Variants in ZNF268 observed in about 807,000 individuals in gnomAD.
The protein encoded by ZNF268 is zinc finger protein 268, also known as zinc finger protein 3.
In ZNF268, 20 loss-of-function variants were observed where a neutral mutation model predicts 29.3. The observed-to-expected ratio is 0.68, with a 90% CI of 0.48 to 0.99. The LOEUF is 0.99. ZNF268 is among the 50% of genes least tolerant of loss of function. The probability of loss-of-function intolerance (pLI) is 0.00; values close to 1 mark genes in which losing one functional copy is unlikely to be tolerated. For synonymous variants in ZNF268, 429 were observed against 376.9 expected (o/e 1.14, Z -1.60); for missense variants, 1,240 against 1,121.6 (o/e 1.11, Z -1.51).
rs1048619959 is a variant in ZNF268 at position 133,204,255 on chromosome 12, A to G, written c.2569A>G (p.Met857Val). ...GKLRLLVHQR[M>V]HTREKPYECS... is the part of the protein sequence containing the mutation. ...ATTACGCCTTCTTGTACACCAGAGAATGCACACAAGAGAGAAACCATATGA... is the reference window on the plus strand; with the variant it reads ...ATTACGCCTTCTTGTACACCAGAGAGTGCACACAAGAGAGAAACCATATGA... Residue 857 changes from methionine (M) to valine (V), a missense_variant, in exon 6 of 6, where the codon ATG (methionine) becomes GTG (valine). Transcript: ENST00000536435. The G allele has an allele frequency of 1.9e-5, 29 of 1,547,250 alleles. No homozygotes were observed. The highest frequency in any genetic ancestry group is 3.9e-5 in the Admixed American group (2 of 51,360).
intron 2 of ZNF268, among the ~76,000 whole-genome samples, chr12:133,187,316 ATT>A (rs1390724275): frequency 1.3e-5 from 2 of 150,956 alleles, no homozygotes; most frequent in East Asian, 3.9e-4. Context: ...CTCATTTCAC[ATT>A]TTCCAGATTT....
At position 133,211,218 on chromosome 12, in the gene ZNF268, A is replaced by C. The variant is rs896334521; in HGVS notation, c.*6688A>C. On this transcript the variant is annotated 3_prime_UTR_variant, in exon 6 of 6. Transcript: ENST00000536435. ...TTTGTATGCAAAATATAAAAAAAAA[A>C]CCCTAAAATTGAACAAGAAGACAAC... is the stretch of plus-strand genomic sequence containing the variant. 357 of 354,252 alleles carry C rather than the reference A, an allele frequency of 1.0e-3. 2 individuals carry two copies. The highest frequency in any genetic ancestry group is 4.4e-3 in the African/African-American group (206 of 46,704). The allele number at this position is 354,252 out of a possible 1,614,324, so 21.9% of individuals were successfully genotyped here.
Position 133,193,164 on chromosome 12 carries a change from A to G in ZNF268, c.457+1161A>G, listed in dbSNP as rs372229725. ...TTCTTCATTTCCCTCATATAGTGTAACTTTTAAAAGACTTACGCATTAGCT... is the reference window on the plus strand; with the variant it reads ...TTCTTCATTTCCCTCATATAGTGTAGCTTTTAAAAGACTTACGCATTAGCT... On this transcript the variant is annotated intron_variant, in intron 5 of 5. Transcript: ENST00000536435. Among the ~76,000 whole-genome samples the G allele has an allele frequency of 4.6e-5, 7 of 152,040 alleles. No individual in the cohort carries two copies. In the East Asian group the frequency reaches 9.7e-4, roughly 21 times the overall value.
At chr12:133,187,813 T>C (rs1956361469) in intron 2 of ZNF268, 59 bp from the exon 3 acceptor site, 4 of 1,507,936 alleles carry the variant, frequency 2.7e-6, no homozygotes, top group Admixed American at 2.1e-5. Flanking sequence ...GTGACCCCTA[T>C]TTCCTTTTCC....
chr12:133,197,326 T>C (rs1007836446), intron 5 of ZNF268, among the ~76,000 whole-genome samples: 11 of 150,698 alleles, frequency 7.3e-5, no homozygotes, highest in Non-Finnish European at 1.2e-4. Flanking sequence ...CTGAGAATGA[T>C]GATTTCCAAT....
chr12:133,202,502 C>T lies in ZNF268; in HGVS notation c.816C>T (p.Gly272=), dbSNP rs149216816. 111 of 1,612,094 alleles carry T rather than the reference C, an allele frequency of 6.9e-5. No homozygotes were observed. The East Asian group carries it at 7.1e-4, about 10-fold the overall frequency. ...SQLMCQQMYM[G]EKPFGCSCCE... ...TTATGTGCCAACAAATGTATATGGG[C>T]GAAAAACCCTTTGGATGCAGCTGTT... Residue 272 remains glycine (G), a synonymous_variant, in exon 6 of 6, where the codon GGC becomes GGT. Coordinates refer to ENST00000536435, the MANE Select transcript of ZNF268 (RefSeq NM_003415.3).
rs1956852150 is a variant in ZNF268, at chr12:133,204,599, G to GT, written c.*70dup. The stretch of plus-strand genomic sequence containing the variant: ...ACAATCATATATAAAGAGAAACTCT[G>GT]TAAGTGGAATCATCTTGTCATCTTC... On this transcript the variant is annotated 3_prime_UTR_variant, in exon 6 of 6. Coordinates refer to ENST00000536435, the MANE Select transcript of ZNF268 (RefSeq NM_003415.3). 3 of 1,187,628 alleles carry GT rather than the reference G, an allele frequency of 2.5e-6. No homozygotes were observed. The East Asian group carries it at 7.7e-5, about 31-fold the overall frequency. 73.6% of individuals were successfully genotyped at this position (1,187,628 alleles called of 1,614,324 possible).
rs764454384 is a variant in ZNF268, at chr12:133,204,409, G to A, written c.2723G>A (p.Ser908Asn). The A allele has an allele frequency of 6.4e-7, 1 of 1,568,424 alleles. No homozygotes were observed. The highest frequency in any genetic ancestry group is 1.4e-5 in the African/African-American group (1 of 73,854). Residue 908 changes from serine to asparagine, a missense_variant, in exon 6 of 6, where the codon AGT (serine) becomes AAT (asparagine). Transcript: ENST00000536435. ...ACCTTCTCTCAAAAATCAATTCTCA[G>A]TGCACATCAGAGAACACATACAGGA... ...GKTFSQKSILSAHQRTHTGEK... is the reference protein window; with the variant it reads ...GKTFSQKSILNAHQRTHTGEK...
At chr12:133,192,116 T>C (rs1048141528) in intron 5 of ZNF268, 113 bp downstream of exon 5, 3 of 899,420 alleles carry the variant, frequency 3.3e-6, no homozygotes, top group Non-Finnish European at 3.3e-6. Flanking sequence ...ACTTTTTTTT[T>C]TTTTTTTTTG....
chr12:133,202,546 G>C lies in ZNF268; in HGVS notation c.860G>C (p.Ser287Thr), dbSNP rs1313883547. ...AGCTGTTGTGAGAAAGCCTTCAGCA[G>C]CAAGTCATACCTTCTAGTGCATCAG... Reference protein sequence around the residue: ...GCSCCEKAFSSKSYLLVHQQT... With the variant: ...GCSCCEKAFSTKSYLLVHQQT... Residue 287 changes from serine to threonine, a missense_variant, in exon 6 of 6, where the codon AGC becomes ACC. This residue lies in a region of ZNF268 where 1,177 missense variants were observed against 1,039.6 expected (regional missense o/e 1.13). Coordinates refer to ENST00000536435, the MANE Select transcript of ZNF268 (RefSeq NM_003415.3). 6.2e-7 allele frequency: 1 copy of C among 1,611,104 alleles called. No individual in the cohort carries two copies. The highest frequency in any genetic ancestry group is 8.5e-7 in the Non-Finnish European group (1 of 1,178,532).
chr12:133,195,957 G>C (rs916969045), intron 5 of ZNF268, among the ~76,000 whole-genome samples: 1 of 147,822 alleles, frequency 6.8e-6, no homozygotes, highest in African/African-American at 2.5e-5. Context: ...AGGTGATCCC[G>C]CCTCAGCCTC....
intron 5 of ZNF268, among the ~76,000 whole-genome samples, chr12:133,200,201 G>A (rs1011695619): frequency 2.0e-5 from 3 of 152,138 alleles, no homozygotes; most frequent in East Asian, 1.9e-4. Context: ...TGCTTTGAAT[G>A]TGTCCCAGAG....
chr12:133,198,529 G>A (rs541198324), intron 5 of ZNF268, among the ~76,000 whole-genome samples: 41 of 151,946 alleles, frequency 2.7e-4, no homozygotes, highest in African/African-American at 9.9e-4. Context: ...CTCTTTTTTG[G>A]TTCCATATGA....
intron 5 of ZNF268, among the ~76,000 whole-genome samples, chr12:133,198,015 C>A (rs958723446): frequency 2.6e-5 from 4 of 151,978 alleles, no homozygotes; most frequent in Non-Finnish European, 4.4e-5. Flanking sequence ...GTTTCTTTTG[C>A]TGTGCAGAAG....
intron 5 of ZNF268, among the ~76,000 whole-genome samples, chr12:133,193,735 C>G (rs549688927): frequency 6.6e-6 from 1 of 152,312 alleles, no homozygotes; most frequent in South Asian, 2.1e-4. Flanking sequence ...GATTGAAGCT[C>G]TTTTCCTCTA....
chr12:133,192,295 A>G (rs1446873256), intron 5 of ZNF268, among the ~76,000 whole-genome samples: 1 of 151,460 alleles, frequency 6.6e-6, no homozygotes, highest in Non-Finnish European at 1.5e-5. Flanking sequence ...TTTAGTAGAG[A>G]TGGGGTTTTG....
intron 5 of ZNF268, among the ~76,000 whole-genome samples, chr12:133,195,647 C>A (rs1330836347): frequency 6.6e-6 from 1 of 152,114 alleles, no homozygotes; most frequent in Non-Finnish European, 1.5e-5. Context: ...GTTGAAGATG[C>A]AGTGAGCAAT....
Position 133,202,254 on chromosome 12 carries a change from C to A in ZNF268, c.568C>A (p.Leu190Ile). ...CACTACATTTGGAAAACTATGTCTTCTTAGTACAAAGTATCTTTCAAGACA... is the reference window on the plus strand; with the variant it reads ...CACTACATTTGGAAAACTATGTCTTATTAGTACAAAGTATCTTTCAAGACA... ...ECTTFGKLCLLSTKYLSRQKP... is the reference protein window; with the variant it reads ...ECTTFGKLCLISTKYLSRQKP... Residue 190 changes from leucine to isoleucine, a missense_variant, in exon 6 of 6, where the codon CTT (leucine) becomes ATT (isoleucine). By Grantham distance (5) the Leu-to-Ile change is conservative (BLOSUM62 2). This residue lies in a region of ZNF268 where 1,177 missense variants were observed against 1,039.6 expected (regional missense o/e 1.13). Coordinates refer to ENST00000536435, the MANE Select transcript of ZNF268 (RefSeq NM_003415.3). The A allele has an allele frequency of 6.2e-7, 1 of 1,612,418 alleles. No homozygotes were observed. Among genetic ancestry groups the A allele is most frequent in the Non-Finnish European group, 8.5e-7 (1 of 1,179,188 alleles).
At chr12:133,187,082 A>T (rs1401392827) in intron 2 of ZNF268, among the ~76,000 whole-genome samples, 2 of 152,154 alleles carry the variant, frequency 1.3e-5, no homozygotes, top group African/African-American at 2.4e-5. Flanking sequence ...TCAACCAGTT[A>T]TGTAGTTACA....
Sources: gnomAD v4.1 joint callset for allele counts (sites outside exome capture counted in the v4.1 genomes callset) on GRCh38, gnomAD v4.1.1 for gene constraint, gnomAD v4.1.1 regional missense constraint, MANE v1.5 for transcripts, NCBI Gene and HGNC (gene_info 2026-07-23, HGNC 2026-07-21) for gene names.